NTNG1: variants seen among roughly 807,000 people sequenced by gnomAD.
The protein encoded by NTNG1 is netrin G1, also known as netrin-G1.
NTNG1 carries 16 observed loss-of-function variants against 54.0 expected under a neutral mutation model. The ratio of observed to expected loss-of-function variants is 0.30; its 90% CI spans 0.20 to 0.45. NTNG1 has a LOEUF of 0.45. NTNG1 is among the 20% of genes least tolerant of loss of function. NTNG1 has a pLI of 1.00. For missense variants in NTNG1, 530 were observed against 678.7 expected (o/e 0.78, Z 2.43); for synonymous variants, 255 against 263.1 (o/e 0.97, Z 0.30).
At chr1:107,392,502 G>A (rs943231726) in intron 3 of NTNG1, among the ~76,000 whole-genome samples, 1 of 152,058 alleles carries the variant, frequency 6.6e-6, no homozygotes, top group Admixed American at 6.6e-5. Flanking sequence ...AAACGAGCTT[G>A]GGTATCCAGA....
intron 1 of NTNG1, among the ~76,000 whole-genome samples, chr1:107,146,800 T>G (rs1654155465): frequency 6.6e-6 from 1 of 152,076 alleles, no homozygotes. Flanking sequence ...TTCAACCATC[T>G]GTTGGCATTT....
chr1:107,231,386 A>G (rs1384307703), intron 2 of NTNG1, among the ~76,000 whole-genome samples: 25 of 151,996 alleles, frequency 1.6e-4, no homozygotes, highest in Admixed American at 1.6e-3. Flanking sequence ...CCTGACTTCA[A>G]CTCCTGAATG....
In NTNG1 at chr1:107,276,246, T is replaced by C. The variant is rs549094044; in HGVS notation, c.247-48036T>C. ...CTTTTTTGTGTGAGGAGGAAAATAG[T>C]ACATGCAGACATTTATTTACTAGAC... On this transcript the variant is annotated intron_variant, in intron 2 of 7. Coordinates refer to ENST00000370068, the MANE Select transcript of NTNG1 (RefSeq NM_001113226.3). 2.6e-5 allele frequency among the ~76,000 whole-genome samples: 4 copies of C among 152,262 alleles called. No homozygotes were observed. In the South Asian group the frequency reaches 8.3e-4, roughly 32 times the overall value.
chr1:107,154,035 G>A (rs537912941), intron 2 of NTNG1, among the ~76,000 whole-genome samples: 14 of 152,268 alleles, frequency 9.2e-5, no homozygotes, highest in African/African-American at 3.4e-4. Flanking sequence ...AGTGAACAGA[G>A]CATTCAGCAC....
intron 2 of NTNG1, among the ~76,000 whole-genome samples, chr1:107,249,233 C>T (rs931898813): frequency 5.9e-5 from 9 of 151,344 alleles, no homozygotes; most frequent in African/African-American, 1.9e-4. Context: ...CACCTGTAAT[C>T]CCAGCACTTT....
chr1:107,395,131 C>A, intron 3 of NTNG1, 23 bp from the exon 4 acceptor site: 1 of 1,598,944 alleles, frequency 6.3e-7, no homozygotes, highest in Non-Finnish European at 8.5e-7. Flanking sequence ...TGACAATGAA[C>A]TCTTTGTCTC....
rs1454375519 is a variant in NTNG1, at chr1:107,481,958, G to A, written c.*1118G>A. The A allele has an allele frequency of 2.0e-5, 3 of 148,632 alleles. No homozygotes were observed. The highest frequency in any genetic ancestry group is 5.0e-5 in the African/African-American group (2 of 40,276). The allele number at this position is 148,632 out of a possible 1,614,324, so 9.2% of individuals were successfully genotyped here. A position where few individuals can be genotyped will look rare whatever the true frequency, so the allele number is the denominator to read the frequency against. ...CTGTGTGGACTGAGTACATTCAGCT[G>A]ACGAATTTAGTTCCCAGGAAGATGG... On this transcript the variant is annotated 3_prime_UTR_variant, in exon 8 of 8. Transcript: ENST00000370068.
intron 2 of NTNG1, among the ~76,000 whole-genome samples, chr1:107,150,222 C>T (rs1654460206): frequency 6.6e-6 from 1 of 152,162 alleles, no homozygotes; most frequent in Non-Finnish European, 1.5e-5. Flanking sequence ...TCTATGGGAA[C>T]AGGTATGTGC....
chr1:107,272,758 T>C (rs1337750329), intron 2 of NTNG1, among the ~76,000 whole-genome samples: 1 of 152,200 alleles, frequency 6.6e-6, no homozygotes, highest in East Asian at 1.9e-4. Context: ...TCTAAGTCAC[T>C]TGAAAACCAA....
At chr1:107,289,932 T>C (rs1665472638) in intron 2 of NTNG1, among the ~76,000 whole-genome samples, 1 of 152,212 alleles carries the variant, frequency 6.6e-6, no homozygotes, top group African/African-American at 2.4e-5. Context: ...TATGAAATCA[T>C]ATTTTCCCAC....
rs546524699 is a variant in NTNG1, at chr1:107,307,892, A to G, written c.247-16390A>G. Among the ~76,000 whole-genome samples the G allele has an allele frequency of 5.9e-5, 9 of 152,256 alleles. 1 individual carries two copies. The East Asian group carries it at 9.7e-4, about 16-fold the overall frequency. ...TAGTAACTACGTTGGGGAGGGTAAC[A>G]TACATTGTTCCTTCCTTGGGTTGAA... On this transcript the variant is annotated intron_variant, in intron 2 of 7. Coordinates refer to ENST00000370068, the MANE Select transcript of NTNG1 (RefSeq NM_001113226.3).
intron 2 of NTNG1, among the ~76,000 whole-genome samples, chr1:107,296,510 A>G (rs1398831412): frequency 6.6e-6 from 1 of 151,100 alleles, no homozygotes; most frequent in African/African-American, 2.4e-5. Flanking sequence ...ATTATTTTTG[A>G]TTTTAATTAG....
At chr1:107,438,328 C>T (rs1675738586) in intron 7 of NTNG1, among the ~76,000 whole-genome samples, 2 of 152,178 alleles carry the variant, frequency 1.3e-5, no homozygotes, top group African/African-American at 4.8e-5. Flanking sequence ...AGTCAGAAGT[C>T]AGGCCTCACA....
intron 2 of NTNG1, among the ~76,000 whole-genome samples, chr1:107,264,844 G>C (rs1165207670): frequency 1.3e-5 from 2 of 152,148 alleles, no homozygotes; most frequent in Non-Finnish European, 1.5e-5. Context: ...CCAGCCTTGA[G>C]GAAACATACA....
At chr1:107,198,415 C>T (rs966715817) in intron 2 of NTNG1, among the ~76,000 whole-genome samples, 1 of 151,938 alleles carries the variant, frequency 6.6e-6, no homozygotes, top group African/African-American at 2.4e-5. Flanking sequence ...TTGAAATTTT[C>T]CAGAACAGTA....
upstream of NTNG1, chr1:107,140,950 G>C: frequency 6.6e-6 from 1 of 152,548 alleles, no homozygotes. Flanking sequence ...TATATTTTTG[G>C]AGGGAGAGGC....
At chr1:107,271,297 C>T (rs957336417) in intron 2 of NTNG1, among the ~76,000 whole-genome samples, 8 of 152,082 alleles carry the variant, frequency 5.3e-5, no homozygotes, top group African/African-American at 1.9e-4. Flanking sequence ...GTGCTGCACC[C>T]ATTAACTCGT....
intron 2 of NTNG1, among the ~76,000 whole-genome samples, chr1:107,263,881 A>G (rs971721736): frequency 3.9e-5 from 6 of 152,236 alleles, no homozygotes; most frequent in African/African-American, 1.4e-4. Flanking sequence ...GAAATGTTAT[A>G]GTACAATCCA....
intron 2 of NTNG1, among the ~76,000 whole-genome samples, chr1:107,185,334 A>G (rs528962658): frequency 1.7e-3 from 256 of 152,242 alleles, no homozygotes; most frequent in Middle Eastern, 6.8e-3. Flanking sequence ...CCTTTGTTAC[A>G]GATTCCTATA....
Sources: gnomAD v4.1 joint callset for allele counts (sites outside exome capture counted in the v4.1 genomes callset) on GRCh38, gnomAD v4.1.1 for gene constraint, MANE v1.5 for transcripts, NCBI Gene and HGNC (gene_info 2026-07-23, HGNC 2026-07-21) for gene names.